The following ARFGEF3 variants were observed in gnomAD, a reference collection of about 807,000 sequenced individuals.
ARFGEF3 encodes brefeldin A-inhibited guanine nucleotide-exchange protein 3.
In ARFGEF3, 96 loss-of-function variants were observed where a neutral mutation model predicts 221.7. The ratio of observed to expected loss-of-function variants is 0.43; its 90% confidence interval spans 0.37 to 0.51. ARFGEF3 has a LOEUF of 0.51. Among genes scored for constraint, ARFGEF3 ranks in the 20% least tolerant of loss-of-function variants. The probability of loss-of-function intolerance (pLI) is 0.00; values close to 1 mark genes in which losing one functional copy is unlikely to be tolerated. For synonymous variants in ARFGEF3, 1,145 were observed against 1,126.8 expected (o/e 1.02, Z -0.32); for missense variants, 2,410 against 2,789.9 (o/e 0.86, Z 3.07).
intron 4 of ARFGEF3, among the ~76,000 whole-genome samples, chr6:138,221,187 G>A (rs902337920): frequency 6.6e-6 from 1 of 152,240 alleles, no homozygotes; most frequent in African/African-American, 2.4e-5. Flanking sequence ...GGCAGTGGCA[G>A]GGAAAATTGA....
chr6:138,311,500 G>A lies in ARFGEF3; in HGVS notation c.4190G>A (p.Arg1397His), dbSNP rs547545407. ...CTCCCGGCCCTGGATTACCTCAGGCGCTGCTCTCAGGTAGGGGAATGGTCC... is the reference window on the plus strand; with the variant it reads ...CTCCCGGCCCTGGATTACCTCAGGCACTGCTCTCAGGTAGGGGAATGGTCC... ...LCLPALDYLR[R>H]CSQLLAKIYK... is the part of the protein sequence containing the mutation. The change falls in exon 25 of 34, where the codon CGC becomes CAC. Residue 1397 changes from arginine (R) to histidine (H), a missense_variant. This residue lies in a region of ARFGEF3 where 723 missense variants were observed against 991.9 expected (regional missense o/e 0.73). Transcript: ENST00000251691. 6.9e-6 allele frequency: 11 copies of A among 1,591,014 alleles called. No homozygotes were observed. The highest frequency in any genetic ancestry group is 2.3e-5 in the South Asian group (2 of 87,162).
intron 1 of ARFGEF3, among the ~76,000 whole-genome samples, chr6:138,163,770 C>A (rs949960620): frequency 2.0e-5 from 3 of 152,128 alleles, no homozygotes; most frequent in African/African-American, 7.2e-5. Flanking sequence ...GGATGTACTT[C>A]CTTTCCCAGT....
At chr6:138,230,176 G>A (rs1165833146) in intron 5 of ARFGEF3, among the ~76,000 whole-genome samples, 1 of 152,046 alleles carries the variant, frequency 6.6e-6, no homozygotes, top group African/African-American at 2.4e-5. Flanking sequence ...ACAATTCATT[G>A]AAAAGCATTT....
chr6:138,299,745 AC>A (rs1779596254), intron 22 of ARFGEF3, among the ~76,000 whole-genome samples: 1 of 152,242 alleles, frequency 6.6e-6, no homozygotes. Flanking sequence ...CTCAACGCAA[AC>A]TTTACAAAGC....
At chr6:138,261,466 A>G in intron 10 of ARFGEF3, 61 bp from the exon 11 acceptor site, 1 of 1,016,610 alleles carries the variant, frequency 9.8e-7, no homozygotes. Flanking sequence ...TCACAATTTA[A>G]AAACCTTGTG....
At position 138,342,659 on chromosome 6, in the gene ARFGEF3, A is replaced by G. The variant is rs1265348840; in HGVS notation, c.*6173A>G. ...TGTAGTGTTTGAATTTCTTCCATCC[A>G]TGTCGTTTTAATGAGATGTTTCCAT... On this transcript the variant is annotated 3_prime_UTR_variant, in exon 34 of 34. Transcript: ENST00000251691. The G allele has an allele frequency of 6.6e-6, 1 of 152,132 alleles. No homozygotes were observed. Among genetic ancestry groups the G allele is most frequent in the African/African-American group, 2.4e-5 (1 of 41,426 alleles). 9.4% of individuals were successfully genotyped at this position (152,132 alleles called of 1,614,324 possible). A position where few individuals can be genotyped will look rare whatever the true frequency, so the allele number is the denominator to read the frequency against.
At chr6:138,210,369 CAT>C (rs1471107036) in intron 4 of ARFGEF3, among the ~76,000 whole-genome samples, 1 of 152,020 alleles carries the variant, frequency 6.6e-6, no homozygotes, top group Non-Finnish European at 1.5e-5. Context: ...TGCCTGCTCG[CAT>C]ATGTTAAAAC....
chr6:138,200,908 A>G (rs975554210), intron 2 of ARFGEF3, among the ~76,000 whole-genome samples: 3 of 152,198 alleles, frequency 2.0e-5, no homozygotes, highest in African/African-American at 7.2e-5. Context: ...GTGGGAGAAA[A>G]TCTTCACAAT....
intron 2 of ARFGEF3, among the ~76,000 whole-genome samples, chr6:138,186,206 A>G (rs923760737): frequency 3.9e-5 from 6 of 152,334 alleles, no homozygotes; most frequent in Admixed American, 3.9e-4. Context: ...CACTACCTGA[A>G]TATTGGCTCT....
chr6:138,294,314 T>G (rs1779468168), intron 20 of ARFGEF3, among the ~76,000 whole-genome samples, 188 bp downstream of exon 20: 1 of 152,216 alleles, frequency 6.6e-6, no homozygotes, highest in South Asian at 2.1e-4. Context: ...TGTAACTCTT[T>G]GTGAATGGAA....
intron 21 of ARFGEF3, 45 bp from the exon 22 acceptor site, chr6:138,298,561 T>C: frequency 6.5e-7 from 1 of 1,533,540 alleles, no homozygotes; most frequent in Non-Finnish European, 8.9e-7. Flanking sequence ...CCATTCTCAC[T>C]GTCTGCTGTC....
intron 12 of ARFGEF3, among the ~76,000 whole-genome samples, chr6:138,274,134 T>C (rs546408387): frequency 1.5e-4 from 23 of 152,360 alleles, no homozygotes; most frequent in Admixed American, 1.4e-3. Context: ...TCTGAGCAAG[T>C]GCTCAGTTTT....
intron 4 of ARFGEF3, among the ~76,000 whole-genome samples, chr6:138,221,200 A>G (rs1169172150): frequency 6.6e-6 from 1 of 152,110 alleles, no homozygotes; most frequent in Non-Finnish European, 1.5e-5. Context: ...AAAATTGAGG[A>G]ACTCAGAGGC....
chr6:138,253,060 GTC>G (rs2114573149), intron 8 of ARFGEF3, among the ~76,000 whole-genome samples: 2 of 152,236 alleles, frequency 1.3e-5, no homozygotes, highest in Non-Finnish European at 2.9e-5. Context: ...AAGAAGAAAA[GTC>G]TAATGCAAGT....
At chr6:138,287,236 A>T in intron 17 of ARFGEF3, 52 bp downstream of exon 17, 1 of 1,333,284 alleles carries the variant, frequency 7.5e-7, no homozygotes, top group Admixed American at 2.0e-5. Flanking sequence ...CAGTATGCAC[A>T]CACCTGCACA....
intron 14 of ARFGEF3, among the ~76,000 whole-genome samples, chr6:138,280,419 G>T (rs1226659605): frequency 6.6e-6 from 1 of 152,202 alleles, no homozygotes; most frequent in South Asian, 2.1e-4. Context: ...ACCTTTGTCT[G>T]TTGGTGTAAA....
chr6:138,279,944 G>T, intron 13 of ARFGEF3, 55 bp from the exon 14 acceptor site: 1 of 1,570,092 alleles, frequency 6.4e-7, no homozygotes, highest in Non-Finnish European at 8.7e-7. Flanking sequence ...GCACTTAGGA[G>T]CCTGTTAGTG....
chr6:138,286,890 A>G lies in ARFGEF3; in HGVS notation c.2759A>G (p.Lys920Arg). Residue 920 changes from lysine to arginine, a missense_variant, in exon 16 of 34, where the codon AAA becomes AGA. By Grantham distance (26) the Lys-to-Arg change is conservative. Transcript: ENST00000251691. ...TGCATGAGCCTCGACGGGCTGCGGA[A>G]AGCCGCACGGCTGAGCTGCGCTCTA... ...AICMSLDGLR[K>R]AARLSCALGV... 1.2e-6 allele frequency: 2 copies of G among 1,613,280 alleles called. No homozygotes were observed. The highest frequency in any genetic ancestry group is 1.7e-6 in the Non-Finnish European group (2 of 1,179,902).
chr6:138,229,711 G>A (rs190732506), intron 4 of ARFGEF3, 73 bp from the exon 5 acceptor site: 2 of 1,137,976 alleles, frequency 1.8e-6, no homozygotes, highest in Non-Finnish European at 2.7e-6. Context: ...CTGCACAAAT[G>A]GCATATGAAA....
Sources: allele counts gnomAD v4.1 joint callset (sites outside exome capture counted in the v4.1 genomes callset), GRCh38; gene constraint gnomAD v4.1.1; regional missense constraint gnomAD v4.1.1; transcripts MANE v1.5; gene names NCBI Gene and HGNC (gene_info 2026-07-23, HGNC 2026-07-21).